The following CORO2A variants were observed in gnomAD, a reference collection of about 807,000 sequenced individuals.
CORO2A encodes coronin 2A, also known as coronin-2A.
Under a neutral mutation model 62.4 loss-of-function variants are expected in CORO2A, and 47 were observed. The ratio of observed to expected loss-of-function variants is 0.75; its 90% confidence interval spans 0.60 to 0.96. The LOEUF is 0.96. Among genes scored for constraint, CORO2A ranks in the 40% least tolerant of loss-of-function variants. The pLI is 0.00. For synonymous variants in CORO2A, 273 were observed against 268.9 expected, an observed-to-expected ratio of 1.02 and a Z score of -0.15; for missense variants, 610 against 684.1, an observed-to-expected ratio of 0.89 and a Z score of 1.21.
chr9:98,134,254 G>A (rs1827452817), intron 4 of CORO2A, among the ~76,000 whole-genome samples: 1 of 152,188 alleles, frequency 6.6e-6, no homozygotes, highest in African/African-American at 2.4e-5. Flanking sequence ...ATAGAATTGA[G>A]GTCTCCTGTA....
intron 1 of CORO2A, among the ~76,000 whole-genome samples, chr9:98,190,403 A>T (rs936522207): frequency 5.3e-5 from 8 of 152,166 alleles, no homozygotes; most frequent in African/African-American, 1.9e-4. Context: ...TATTTTTGCT[A>T]ATTTTACAGG....
chr9:98,177,449 CA>C (rs1489042636), intron 1 of CORO2A, among the ~76,000 whole-genome samples: 3 of 142,032 alleles, frequency 2.1e-5, no homozygotes, highest in Non-Finnish European at 4.5e-5. Flanking sequence ...CAATGGGCTC[CA>C]AACTTTGTTT....
Position 98,157,537 on chromosome 9 carries a change from C to T in CORO2A, c.124G>A (p.Ala42Thr). 1 of 1,614,176 alleles carries T rather than the reference C, an allele frequency of 6.2e-7. No individual in the cohort carries two copies. The highest frequency in any genetic ancestry group is 8.5e-7 in the Non-Finnish European group (1 of 1,180,040). ...ACTGCAATGAAGTGGGGGTTCACGG[C>T]ACAGAAGTGGTTGTCGTGAACGCTG... is the stretch of plus-strand genomic sequence containing the variant. The part of the protein sequence containing the change: ...TRSVHDNHFC[A>T]VNPHFIAVVT... Residue 42 changes from alanine (A) to threonine (T), a missense_variant, in exon 2 of 12, where the codon GCC (alanine) becomes ACC (threonine). Ala to Thr is a moderately conservative substitution (Grantham distance 58, BLOSUM62 0). Coordinates refer to ENST00000375077, the MANE Select transcript of CORO2A (RefSeq NM_052820.4).
rs1827430994 is a variant in CORO2A, at chr9:98,133,028, C to G, written c.648+10G>C. ...TCTGAGCCTGAGCCAGCCCCTGGCC[C>G]AGAACTGACCTGGAGGACGGTCCCT... is the stretch of plus-strand genomic sequence containing the variant. On this transcript the variant is annotated intron_variant, in intron 5 of 11. Transcript: ENST00000375077. 6.2e-7 allele frequency: 1 copy of G among 1,613,896 alleles called. No homozygotes were observed. Among genetic ancestry groups the G allele is most frequent in the African/African-American group, 1.3e-5 (1 of 74,952 alleles).
In CORO2A at chr9:98,133,315, G is replaced by T. The variant is rs550657744; in HGVS notation, c.469-98C>A. Reference sequence around the variant, plus strand: ...GGATGCAGTGAAACACAGTATCCCTGGGAGGGTGGCGCAGCTGGCAGCCTG... The same window carrying T: ...GGATGCAGTGAAACACAGTATCCCTTGGAGGGTGGCGCAGCTGGCAGCCTG... On this transcript the variant is annotated intron_variant, in intron 4 of 11. Coordinates refer to ENST00000375077, the MANE Select transcript of CORO2A (RefSeq NM_052820.4). 2.9e-4 allele frequency: 366 copies of T among 1,252,722 alleles called. 1 individual carries two copies. Among genetic ancestry groups the T allele is most frequent in the Non-Finnish European group, 3.9e-4 (349 of 891,084 alleles). The allele number at this position is 1,252,722 out of a possible 1,614,324, so 77.6% of individuals were successfully genotyped here.
intron 2 of CORO2A, among the ~76,000 whole-genome samples, chr9:98,140,984 AGTAAT>A (rs1827557487): frequency 6.6e-6 from 1 of 152,200 alleles, no homozygotes; most frequent in Admixed American, 6.5e-5. Context: ...AATGTACTGC[AGTAAT>A]GTAAGAGAAT....
chr9:98,143,086 C>A (rs1186416654), intron 2 of CORO2A, among the ~76,000 whole-genome samples: 1 of 152,190 alleles, frequency 6.6e-6, no homozygotes, highest in East Asian at 1.9e-4. Flanking sequence ...ATGTGGTGTA[C>A]AAGCTCTAAA....
chr9:98,142,296 A>G (rs948683382), intron 2 of CORO2A, among the ~76,000 whole-genome samples: 17 of 152,236 alleles, frequency 1.1e-4, no homozygotes, highest in Admixed American at 6.5e-5. Flanking sequence ...GCCCAGGGTC[A>G]CTGCAAAGGT....
At chr9:98,169,272 T>G (rs1828002217) in intron 1 of CORO2A, among the ~76,000 whole-genome samples, 2 of 152,156 alleles carry the variant, frequency 1.3e-5, no homozygotes, top group Non-Finnish European at 2.9e-5. Context: ...AAGTACAGAT[T>G]GAGTCAGAGA....
chr9:98,176,053 T>TA (rs1828105228), intron 1 of CORO2A, among the ~76,000 whole-genome samples: 2 of 152,326 alleles, frequency 1.3e-5, no homozygotes, highest in East Asian at 3.9e-4. Flanking sequence ...GCTTACAGAT[T>TA]AAACTAGAAG....
chr9:98,142,417 C>T (rs1385040942), intron 2 of CORO2A, among the ~76,000 whole-genome samples: 2 of 152,248 alleles, frequency 1.3e-5, no homozygotes, highest in African/African-American at 4.8e-5. Flanking sequence ...GAGTCCCTGC[C>T]CTGGCCTCCT....
intron 2 of CORO2A, chr9:98,157,220 T>C (rs1827816722): frequency 9.2e-6 from 4 of 436,584 alleles, no homozygotes; most frequent in African/African-American, 6.0e-5. Context: ...CGCAGAATTA[T>C]ATTGCAGAGA....
chr9:98,128,113 A>G (rs541402540), intron 10 of CORO2A, 57 bp downstream of exon 10: 1 of 1,431,470 alleles, frequency 7.0e-7, no homozygotes, highest in African/African-American at 1.4e-5. Flanking sequence ...GCTTGGGGCC[A>G]CTGGGCACGC....
At chr9:98,126,325 T>C (rs562310748) in intron 11 of CORO2A, among the ~76,000 whole-genome samples, 2 of 152,278 alleles carry the variant, frequency 1.3e-5, no homozygotes, top group Non-Finnish European at 2.9e-5. Flanking sequence ...TGAGCCACTG[T>C]GCCCAGCCTC....
chr9:98,168,030 G>C (rs1171368940), intron 1 of CORO2A, among the ~76,000 whole-genome samples: 2 of 152,224 alleles, frequency 1.3e-5, no homozygotes, highest in Admixed American at 1.3e-4. Context: ...AGGCCCCGGA[G>C]CTTGACTGTC....
rs1243082949 is a variant in CORO2A at position 98,188,980 on chromosome 9, G to A, written c.-1+3579C>T. Reference sequence around the variant, plus strand: ...ACTGTTAGTGATTCTTCAAAGTGAGGCTCCCATGTCCCTCCTCCTTGACTT... The same window carrying A: ...ACTGTTAGTGATTCTTCAAAGTGAGACTCCCATGTCCCTCCTCCTTGACTT... On this transcript the variant is annotated intron_variant, in intron 1 of 11. Transcript: ENST00000375077. Among the ~76,000 whole-genome samples the A allele has an allele frequency of 4.6e-5, 7 of 152,216 alleles. No individual in the cohort carries two copies. The East Asian group carries it at 7.7e-4, about 17-fold the overall frequency.
rs1290438431 is a variant in CORO2A at position 98,123,339 on chromosome 9, A to G, written c.*1435T>C. The G allele has an allele frequency of 2.0e-5, 3 of 152,174 alleles. No homozygotes were observed. The highest frequency in any genetic ancestry group is 6.5e-5 in the Admixed American group (1 of 15,278). The allele number at this position is 152,174 out of a possible 1,614,324, so 9.4% of individuals were successfully genotyped here. Reference sequence around the variant, plus strand: ...TAAAATGAGGAACTTGGGTCAAATCACTAGCTTTCAAACTTCTAAAAAAAT... The same window carrying G: ...TAAAATGAGGAACTTGGGTCAAATCGCTAGCTTTCAAACTTCTAAAAAAAT... On this transcript the variant is annotated 3_prime_UTR_variant, in exon 12 of 12. Coordinates refer to ENST00000375077, the MANE Select transcript of CORO2A (RefSeq NM_052820.4).
intron 1 of CORO2A, among the ~76,000 whole-genome samples, chr9:98,181,629 C>T (rs1028978559): frequency 3.9e-5 from 6 of 152,090 alleles, no homozygotes; most frequent in African/African-American, 9.7e-5. Context: ...GCACACATCA[C>T]GGTGCTTTCA....
At chr9:98,131,330 C>T (rs1048945583) in intron 6 of CORO2A, among the ~76,000 whole-genome samples, 1 of 145,410 alleles carries the variant, frequency 6.9e-6, no homozygotes, top group Non-Finnish European at 1.5e-5. Flanking sequence ...TAACAAATCA[C>T]TTTTTTTTTT....
Sources: gnomAD v4.1 joint callset for allele counts (sites outside exome capture counted in the v4.1 genomes callset) on GRCh38, gnomAD v4.1.1 for gene constraint, MANE v1.5 for transcripts, NCBI Gene and HGNC (gene_info 2026-07-23, HGNC 2026-07-21) for gene names.